Variants in LARS2 observed in about 807,000 individuals in gnomAD.
LARS2 encodes the protein leucyl-tRNA synthetase 2, mitochondrial, also known as leucine--tRNA ligase, mitochondrial.
Under a neutral mutation model 116.6 loss-of-function variants are expected in LARS2, and 81 were observed. The observed-to-expected ratio is 0.69, with a 90% confidence interval of 0.58 to 0.84. LARS2 has a LOEUF of 0.84. LARS2 is among the 40% of genes least tolerant of loss of function. LARS2 has a pLI of 0.00. For missense variants in LARS2, 968 were observed against 1,114.5 expected (o/e 0.87, Z 1.87); for synonymous variants, 396 against 407.2 (o/e 0.97, Z 0.33).
chr3:45,535,044 G>A (rs1033786811), intron 20 of LARS2, among the ~76,000 whole-genome samples: 1 of 152,062 alleles, frequency 6.6e-6, no homozygotes, highest in Non-Finnish European at 1.5e-5. Context: ...TCCTTTGCTG[G>A]TCAACAGTAA....
chr3:45,510,019 G>C (rs574793759), intron 15 of LARS2, among the ~76,000 whole-genome samples: 1 of 151,946 alleles, frequency 6.6e-6, no homozygotes, highest in Non-Finnish European at 1.5e-5. Flanking sequence ...CACCCCTGCT[G>C]CTGGTAGGTT....
chr3:45,534,712 C>T (rs1309800127), intron 20 of LARS2, among the ~76,000 whole-genome samples: 1 of 152,134 alleles, frequency 6.6e-6, no homozygotes, highest in Admixed American at 6.5e-5. Context: ...CATTATTGCC[C>T]TGGATAAAAA....
chr3:45,523,531 CT>C (rs749617499), intron 19 of LARS2, among the ~76,000 whole-genome samples: 623 of 139,820 alleles, frequency 4.5e-3, no homozygotes, highest in Admixed American at 5.0e-3. Flanking sequence ...GCTGCTGGAG[CT>C]TTTTTTTTTT....
chr3:45,418,368 C>G (rs1264377648), intron 5 of LARS2, among the ~76,000 whole-genome samples: 1 of 152,218 alleles, frequency 6.6e-6, no homozygotes, highest in Non-Finnish European at 1.5e-5. Context: ...ACTATGGCAT[C>G]CAGGTCTCTT....
At chr3:45,506,907 C>T (rs1245286660) in intron 15 of LARS2, 1 of 152,006 alleles carries the variant, frequency 6.6e-6, no homozygotes, top group Non-Finnish European at 1.5e-5. Flanking sequence ...TTAAGGTCTC[C>T]TTACCTTACG....
chr3:45,453,782 G>A (rs1559474198), intron 7 of LARS2, among the ~76,000 whole-genome samples: 1 of 152,088 alleles, frequency 6.6e-6, no homozygotes. Flanking sequence ...AAAAAAATCA[G>A]TACCCTAAAA....
chr3:45,396,153 A>G (rs1253352895), intron 3 of LARS2, among the ~76,000 whole-genome samples: 1 of 152,232 alleles, frequency 6.6e-6, no homozygotes, highest in African/African-American at 2.4e-5. Flanking sequence ...AAAATATCAA[A>G]TGGATCAAAA....
At chr3:45,480,202 CAAAAA>C (rs5848745) in intron 10 of LARS2, among the ~76,000 whole-genome samples, 4 of 150,342 alleles carry the variant, frequency 2.7e-5, no homozygotes, top group Admixed American at 2.6e-4. Context: ...CTGGAATAAA[CAAAAA>C]AAAACAGGTA....
At chr3:45,500,680 T>A in intron 15 of LARS2, 101 bp downstream of exon 15, 2 of 860,874 alleles carry the variant, frequency 2.3e-6, no homozygotes, top group Non-Finnish European at 3.5e-6. Context: ...TGTAGTAGAA[T>A]ACTAGTTTTC....
Position 45,458,810 on chromosome 3 carries a change from G to C in LARS2, c.674G>C (p.Cys225Ser), listed in dbSNP as rs764649976. Residue 225 changes from cysteine (C) to serine (S), a missense_variant, in exon 8 of 22, where the codon TGT becomes TCT. Cys to Ser is a moderately radical substitution (Grantham distance 112, BLOSUM62 -1). Transcript: ENST00000645846. ...LANEQVDEHGCSWRSGAKVEQ... is the reference protein window; with the variant it reads ...LANEQVDEHGSSWRSGAKVEQ... ...AATGAGCAGGTGGATGAACATGGCT[G>C]TTCATGGCGTTCTGGAGCAAAGGTG... 1.2e-6 allele frequency: 2 copies of C among 1,614,112 alleles called. No individual in the cohort carries two copies. The highest frequency in any genetic ancestry group is 1.7e-6 in the Non-Finnish European group (2 of 1,179,942).
At chr3:45,465,107 A>T (rs1699398257) in intron 8 of LARS2, among the ~76,000 whole-genome samples, 1 of 152,046 alleles carries the variant, frequency 6.6e-6, no homozygotes, top group Non-Finnish European at 1.5e-5. Flanking sequence ...CCCTGCCAGG[A>T]TTCTCCCTCA....
intron 2 of LARS2, among the ~76,000 whole-genome samples, chr3:45,393,081 T>C (rs1392118596): frequency 5.9e-5 from 9 of 152,204 alleles, no homozygotes; most frequent in Admixed American, 3.9e-4. Context: ...TTCCAGTATT[T>C]ACCTGTGGAA....
At chr3:45,460,019 T>A (rs765194449) in intron 8 of LARS2, among the ~76,000 whole-genome samples, 2 of 152,206 alleles carry the variant, frequency 1.3e-5, no homozygotes, top group Non-Finnish European at 2.9e-5. Flanking sequence ...AGCACAAGGT[T>A]CTCAATATCC....
Position 45,476,508 on chromosome 3 carries a change from C to T in LARS2, c.899C>T (p.Thr300Met), listed in dbSNP as rs864309642. 28 of 1,614,076 alleles carry T rather than the reference C, an allele frequency of 1.7e-5. No individual in the cohort carries two copies. The highest frequency in any genetic ancestry group is 2.2e-5 in the Non-Finnish European group (26 of 1,180,026). ...QATGEKLTAY[T>M]ATPEAIYGTS... is the part of the protein sequence containing the mutation. ...ACGGGCGAAAAGCTGACTGCCTATACGGCCACCCCTGAAGCCATTTATGGC... is the reference window on the plus strand; with the variant it reads ...ACGGGCGAAAAGCTGACTGCCTATATGGCCACCCCTGAAGCCATTTATGGC... Residue 300 changes from threonine to methionine, a missense_variant, in exon 10 of 22, where the codon ACG becomes ATG. Coordinates refer to ENST00000645846, the MANE Select transcript of LARS2 (RefSeq NM_015340.4).
intron 15 of LARS2, among the ~76,000 whole-genome samples, chr3:45,508,222 A>G (rs964868004): frequency 6.6e-6 from 1 of 152,068 alleles, no homozygotes; most frequent in African/African-American, 2.4e-5. Context: ...GGGAGCTCCC[A>G]TGAGAAGGGC....
chr3:45,403,857 C>G (rs1387448530), intron 4 of LARS2, among the ~76,000 whole-genome samples: 2 of 152,140 alleles, frequency 1.3e-5, no homozygotes, highest in East Asian at 3.9e-4. Flanking sequence ...TCTAGCCAAG[C>G]GACTCTACAG....
chr3:45,443,454 T>A (rs1380266367), intron 6 of LARS2, among the ~76,000 whole-genome samples: 2 of 152,198 alleles, frequency 1.3e-5, no homozygotes, highest in African/African-American at 4.8e-5. Context: ...CTAAGTGGTG[T>A]CTGTTCCCAA....
chr3:45,443,190 A>G (rs1698943772), intron 6 of LARS2, among the ~76,000 whole-genome samples: 1 of 152,218 alleles, frequency 6.6e-6, no homozygotes, highest in Non-Finnish European at 1.5e-5. Flanking sequence ...TGAAACCCCT[A>G]GAAGACCCTT....
At chr3:45,490,298 G>A (rs1699892758) in intron 12 of LARS2, among the ~76,000 whole-genome samples, 1 of 152,182 alleles carries the variant, frequency 6.6e-6, no homozygotes, top group African/African-American at 2.4e-5. Flanking sequence ...CTTCTGAAGT[G>A]CCTAGTGAAG....
Sources: allele counts gnomAD v4.1 joint callset (sites outside exome capture counted in the v4.1 genomes callset), GRCh38; gene constraint gnomAD v4.1.1; transcripts MANE v1.5; gene names NCBI Gene and HGNC (gene_info 2026-07-23, HGNC 2026-07-21).